Variants in CFLAR observed in about 807,000 individuals in gnomAD.
CFLAR encodes CASP8 and FADD like apoptosis regulator, also known as CASP8 and FADD-like apoptosis regulator.
CFLAR carries 14 observed loss-of-function variants against 51.1 expected under a neutral mutation model. The observed-to-expected ratio is 0.27, with a 90% confidence interval of 0.18 to 0.43. The LOEUF (loss-of-function observed/expected upper bound fraction) is 0.43, where lower values mean the gene tolerates loss of function less well. Ranked by LOEUF, CFLAR falls within the 20% of genes least tolerant of loss-of-function variation. The pLI, the probability that CFLAR is intolerant of heterozygous loss-of-function variation, is 1.00. For synonymous variants in CFLAR, 210 were observed against 211.6 expected (o/e 0.99, Z 0.06); for missense variants, 390 against 566.5 (o/e 0.69, Z 3.16).
At chr2:201,130,253 T>C in intron 2 of CFLAR, 107 bp downstream of exon 2, 4 of 1,041,360 alleles carry the variant, frequency 3.8e-6, no homozygotes, top group Non-Finnish European at 5.3e-6. Context: ...GCCACTTTAC[T>C]GTCTCTGCCC....
At chr2:201,134,609 T>G (rs1385782268) in intron 3 of CFLAR, among the ~76,000 whole-genome samples, 1 of 150,644 alleles carries the variant, frequency 6.6e-6, no homozygotes, top group Non-Finnish European at 1.5e-5. Context: ...CACTCCAGCC[T>G]GGGCTATAGA....
rs188142985 is a variant in CFLAR, at chr2:201,152,103, C to T, written c.793+2268C>T. Among the ~76,000 whole-genome samples the T allele has an allele frequency of 9.5e-4, 144 of 152,138 alleles. 2 individuals carry two copies. The highest frequency in any genetic ancestry group is 3.3e-3 in the African/African-American group (138 of 41,494). On this transcript the variant is annotated intron_variant, in intron 8 of 9. Coordinates refer to ENST00000309955, the MANE Select transcript of CFLAR (RefSeq NM_003879.7). ...CTGGGTTCAAGCAATTCTCCTGCCT[C>T]AGCCTCCCGAGTACATCCCTGCCGG...
At position 201,170,444 on chromosome 2, in the gene CFLAR, A is replaced by G. The variant is rs1205007037; in HGVS notation, c.*6471A>G. 6.6e-6 allele frequency: 1 copy of G among 152,170 alleles called. No individual in the cohort carries two copies. The highest frequency in any genetic ancestry group is 1.5e-5 in the Non-Finnish European group (1 of 68,032). 9.4% of individuals were successfully genotyped at this position (152,170 alleles called of 1,614,324 possible). A position where few individuals can be genotyped will look rare whatever the true frequency, so the allele number is the denominator to read the frequency against. On this transcript the variant is annotated 3_prime_UTR_variant, in exon 10 of 10. Transcript: ENST00000309955. ...GGAATTCCAAGAATGTCATAAATGG[A>G]TGTTTCTCCATGGATGAAGGAACTG...
intron 5 of CFLAR, chr2:201,141,728 G>A (rs1008597419): frequency 1.1e-6 from 1 of 873,018 alleles, no homozygotes; most frequent in East Asian, 7.0e-5. Context: ...ACTTATGGTT[G>A]TTGTGTTCCT....
intron 5 of CFLAR, among the ~76,000 whole-genome samples, chr2:201,142,306 A>G (rs1939114585): frequency 6.6e-6 from 1 of 151,208 alleles, no homozygotes; most frequent in African/African-American, 2.4e-5. Flanking sequence ...ATATATATAT[A>G]TAAATGCTTT....
At chr2:201,123,298 T>TA (rs1265684281) in intron 1 of CFLAR, among the ~76,000 whole-genome samples, 1 of 152,198 alleles carries the variant, frequency 6.6e-6, no homozygotes, top group Admixed American at 6.5e-5. Flanking sequence ...AGTCTGTTCT[T>TA]AGTCTGTTTT....
intron 8 of CFLAR, among the ~76,000 whole-genome samples, chr2:201,158,976 C>T (rs1942653049): frequency 6.6e-6 from 1 of 151,384 alleles, no homozygotes; most frequent in Admixed American, 6.6e-5. Context: ...CTCCCGGGTT[C>T]AAGCAATTCT....
rs1166390573 is a variant in CFLAR, at chr2:201,163,901, T to G, written c.1371T>G (p.Val457=). Residue 457 remains valine (V), a synonymous_variant, in exon 10 of 10, where the codon GTT becomes GTG. Transcript: ENST00000309955. ...ACATGTATGATTGGAACAGCAGAGT[T>G]TCTGCCAAGGAGAAATATTATGTCT... ...NGYMYDWNSR[V]SAKEKYYVWL... is the part of the protein sequence containing the mutation. The G allele has an allele frequency of 6.2e-7, 1 of 1,614,090 alleles. No individual in the cohort carries two copies. The highest frequency in any genetic ancestry group is 1.7e-5 in the Admixed American group (1 of 60,010).
Position 201,138,169 on chromosome 2 carries a change from C to G in CFLAR, c.523+2062C>G. The G allele has an allele frequency of 1.1e-6, 1 of 919,344 alleles. No homozygotes were observed. Among genetic ancestry groups the G allele is most frequent in the Non-Finnish European group, 1.8e-6 (1 of 551,256 alleles). The allele number at this position is 919,344 out of a possible 1,614,324, so 56.9% of individuals were successfully genotyped here. A position where few individuals can be genotyped will look rare whatever the true frequency, so the allele number is the denominator to read the frequency against. On this transcript the variant is annotated intron_variant, in intron 4 of 9. Transcript: ENST00000309955. This position sits in a 1 kb window ranked among gnomAD's most constrained non-coding sequence, Gnocchi z 4.0. Reference sequence around the variant, plus strand: ...CTGTCACCACGTTCCCCCCAATCACCTGGAGGTGGGGTTACTTTTGTTTGA... The same window carrying G: ...CTGTCACCACGTTCCCCCCAATCACGTGGAGGTGGGGTTACTTTTGTTTGA...
chr2:201,149,980 G>C (rs998889290), intron 8 of CFLAR, 145 bp downstream of exon 8: 3 of 612,084 alleles, frequency 4.9e-6, no homozygotes, highest in Non-Finnish European at 5.8e-6. Flanking sequence ...GGTGGCTCAT[G>C]CCTGGAATTC....
At chr2:201,136,593 T>G (rs1045155674) in intron 4 of CFLAR, 6 of 1,444,784 alleles carry the variant, frequency 4.2e-6, no homozygotes, top group Non-Finnish European at 5.4e-6. Flanking sequence ...CAGATTCACA[T>G]TGGCCTTCTG....
rs929969666 is a variant in CFLAR at position 201,168,659 on chromosome 2, T to C, written c.*4686T>C. On this transcript the variant is annotated 3_prime_UTR_variant, in exon 10 of 10. Coordinates refer to ENST00000309955, the MANE Select transcript of CFLAR (RefSeq NM_003879.7). The stretch of plus-strand genomic sequence containing the variant: ...GAGAAACAAATAAGGGGTATTCAAA[T>C]AGGAAAAGAGGAAGTAAAACTGTGT... The C allele has an allele frequency of 7.1e-6, 1 of 140,098 alleles. No homozygotes were observed. The highest frequency in any genetic ancestry group is 7.2e-5 in the Admixed American group (1 of 13,940). The allele number at this position is 140,098 out of a possible 1,614,324, so 8.7% of individuals were successfully genotyped here. A position where few individuals can be genotyped will look rare whatever the true frequency, so the allele number is the denominator to read the frequency against.
chr2:201,146,448 A>G (rs1940188976), intron 6 of CFLAR: 1 of 152,058 alleles, frequency 6.6e-6, no homozygotes, highest in South Asian at 2.1e-4. Flanking sequence ...CGCCCAGCCT[A>G]ATTTTTGTAT....
At chr2:201,133,786 C>T (rs926322413) in intron 3 of CFLAR, among the ~76,000 whole-genome samples, 1 of 151,552 alleles carries the variant, frequency 6.6e-6, no homozygotes, top group African/African-American at 2.4e-5. Flanking sequence ...AAAAAAGTAG[C>T]CGGGTGTGGT....
At position 201,148,723 on chromosome 2, in the gene CFLAR, C is replaced by T. The variant is rs549005645; in HGVS notation, c.662-280C>T. 14 of 343,986 alleles carry T rather than the reference C, an allele frequency of 4.1e-5. No homozygotes were observed. In the South Asian group the frequency reaches 4.5e-4, roughly 11 times the overall value. 21.3% of individuals were successfully genotyped at this position (343,986 alleles called of 1,614,324 possible). A position where few individuals can be genotyped will look rare whatever the true frequency, so the allele number is the denominator to read the frequency against. On this transcript the variant is annotated intron_variant, in intron 6 of 9. Coordinates refer to ENST00000309955, the MANE Select transcript of CFLAR (RefSeq NM_003879.7). ...ATCAAGTTAAAAACTCACCAGCCAC[C>T]TGTTCCTCACCTAGAACGGGGTAGG...
chr2:201,163,255 T>G, intron 9 of CFLAR: 1 of 1,290,714 alleles, frequency 7.7e-7, no homozygotes, highest in South Asian at 2.1e-5. Context: ...TTGGCAAGAA[T>G]ACTTTTCTAA....
At chr2:201,157,915 G>A (rs1362403209) in intron 8 of CFLAR, 2 of 152,278 alleles carry the variant, frequency 1.3e-5, no homozygotes, top group Non-Finnish European at 2.9e-5. Context: ...TTCAGGCTGG[G>A]CCTGTGGAGT....
rs763354978 is a variant in CFLAR at position 201,160,526 on chromosome 2, T to G, written c.888T>G (p.Phe296Leu). Residue 296 changes from phenylalanine (F) to leucine (L), a missense_variant, in exon 9 of 10, where the codon TTT becomes TTG. By Grantham distance (22) the Phe-to-Leu change is conservative. This residue lies in a region of CFLAR where 287 missense variants were observed against 363.6 expected (regional missense o/e 0.79). Transcript: ENST00000309955. ...MHGISQILGQ[F>L]ACMPEHRDYD... is the part of the protein sequence containing the mutation. ...GTATATCCCAGATTCTTGGCCAATT[T>G]GCCTGTATGCCCGAGCACCGAGACT... 2 of 1,613,896 alleles carry G rather than the reference T, an allele frequency of 1.2e-6. No individual in the cohort carries two copies. The highest frequency in any genetic ancestry group is 1.3e-5 in the African/African-American group (1 of 74,860).
chr2:201,163,506 C>A, intron 9 of CFLAR: 1 of 1,136,226 alleles, frequency 8.8e-7, no homozygotes, highest in Non-Finnish European at 1.1e-6. Flanking sequence ...GAGCAGGAGC[C>A]ACTCAGCCTT....
Sources: gnomAD v4.1 joint callset for allele counts (sites outside exome capture counted in the v4.1 genomes callset) on GRCh38, gnomAD v4.1.1 for gene constraint, gnomAD v4.1.1 regional missense constraint, Gnocchi (gnomAD v3.1) non-coding constraint, MANE v1.5 for transcripts, NCBI Gene and HGNC (gene_info 2026-07-23, HGNC 2026-07-21) for gene names.